GPI: variants seen among roughly 807,000 people sequenced by gnomAD.
GPI encodes D-hexose-6-phosphate anomerase.
Under a neutral mutation model 75.8 loss-of-function variants are expected in GPI, and 56 were observed. That is an observed-to-expected ratio of 0.74 (90% confidence interval 0.60 to 0.92). The LOEUF (loss-of-function observed/expected upper bound fraction) is 0.92. Among genes scored for constraint, GPI ranks in the 40% least tolerant of loss-of-function variants. GPI has a pLI of 0.00. For synonymous variants in GPI, 288 were observed against 285.4 expected, an observed-to-expected ratio of 1.01 and a Z score of -0.09; for missense variants, 638 against 741.0, an observed-to-expected ratio of 0.86 and a Z score of 1.61.
intron 7 of GPI, 60 bp downstream of exon 7, chr19:34,379,065 G>A: frequency 7.1e-7 from 1 of 1,410,954 alleles, no homozygotes; most frequent in Non-Finnish European, 1.0e-6. Flanking sequence ...AGCAGGGTGG[G>A]CCCCTGAGTG....
chr19:34,377,326 A>T lies in GPI; in HGVS notation c.403-177A>T, dbSNP rs1568333150. The stretch of plus-strand genomic sequence containing the variant: ...CAAAAAAAAAAAAAAAAAAAAAAAA[A>T]AAAAAAAAAAATATATATATATATA... On this transcript the variant is annotated intron_variant, in intron 4 of 17. Transcript: ENST00000356487. Among the ~76,000 whole-genome samples, 26 of 88,478 alleles carry T rather than the reference A, an allele frequency of 2.9e-4. 1 individual carries two copies. The highest frequency in any genetic ancestry group is 1.4e-3 in the South Asian group (3 of 2,106). The allele number at this position is 88,478 out of a possible 152,430, so 58.0% of individuals were successfully genotyped here.
chr19:34,384,141 T>C (rs1283800693), intron 9 of GPI, among the ~76,000 whole-genome samples: 1 of 152,000 alleles, frequency 6.6e-6, no homozygotes, highest in African/African-American at 2.4e-5. Flanking sequence ...TGAAAATCTG[T>C]GATTGGGTCC....
Position 34,399,274 on chromosome 19 carries a change from G to T in GPI, c.1337G>T (p.Arg446Leu). ...AGGGGAAAATCGACGGAGGAGGCCC[G>T]AAAGGAGCTCCAGGCTGCGGGCAAG... The part of the protein sequence containing the change: ...LMRGKSTEEA[R>L]KELQAAGKSP... Residue 446 changes from arginine to leucine, a missense_variant, in exon 15 of 18, where the codon CGA (arginine) becomes CTA (leucine). By Grantham distance (102) the Arg-to-Leu change is moderately radical. Coordinates refer to ENST00000356487, the MANE Select transcript of GPI (RefSeq NM_000175.5). The T allele has an allele frequency of 6.2e-7, 1 of 1,614,034 alleles. No homozygotes were observed. Among genetic ancestry groups the T allele is most frequent in the South Asian group, 1.1e-5 (1 of 91,066 alleles).
intron 9 of GPI, among the ~76,000 whole-genome samples, chr19:34,385,423 G>A (rs1231822536): frequency 6.6e-6 from 1 of 152,070 alleles, no homozygotes; most frequent in Non-Finnish European, 1.5e-5. Context: ...TGAGGTTGAG[G>A]AGCTGTGGCC....
At position 34,399,942 on chromosome 19, in the gene GPI, A is replaced by G. The variant is rs1453560379; in HGVS notation, c.1583A>G (p.Glu528Gly). Residue 528 changes from glutamate (E) to glycine (G), a missense_variant, in exon 18 of 18, where the codon GAG becomes GGG. Transcript: ENST00000356487. ...CAGCTGGCTAAGAAAATAGAGCCTG[A>G]GCTTGATGGCAGTGCTCAAGTGACC... ...GKQLAKKIEP[E>G]LDGSAQVTSH... 1 of 1,613,840 alleles carries G rather than the reference A, an allele frequency of 6.2e-7. No individual in the cohort carries two copies. The highest frequency in any genetic ancestry group is 8.5e-7 in the Non-Finnish European group (1 of 1,179,918).
At chr19:34,381,225 C>CT in intron 8 of GPI, 1 of 589,226 alleles carries the variant, frequency 1.7e-6, no homozygotes, top group Middle Eastern at 4.6e-4. Context: ...CAGCAGGGGG[C>CT]TTTGCAGGCA....
chr19:34,368,460 C>T (rs965826452), intron 3 of GPI, 123 bp from the exon 4 acceptor site: 8 of 1,031,394 alleles, frequency 7.8e-6, no homozygotes, highest in East Asian at 2.5e-5. Flanking sequence ...ATGGTGCTAA[C>T]AGAGACCTCA....
chr19:34,378,109 C>T (rs1379999492), intron 6 of GPI, among the ~76,000 whole-genome samples: 2 of 152,232 alleles, frequency 1.3e-5, no homozygotes, highest in Non-Finnish European at 2.9e-5. Flanking sequence ...TGTGTCCTGA[C>T]CACACCCGCT....
intron 6 of GPI, among the ~76,000 whole-genome samples, chr19:34,378,465 C>A (rs1208914171): frequency 2.0e-5 from 3 of 152,134 alleles, no homozygotes; most frequent in South Asian, 2.1e-4. Context: ...TGCACCCCCC[C>A]TTGGCCTCCC....
chr19:34,393,930 C>T lies in GPI; in HGVS notation c.926C>T (p.Thr309Met), dbSNP rs138381340. The change falls in exon 12 of 18, where the codon ACG (threonine) becomes ATG (methionine). Residue 309 changes from threonine to methionine, a missense_variant. Coordinates refer to ENST00000356487, the MANE Select transcript of GPI (RefSeq NM_000175.5). This position sits in a 1 kb window ranked among gnomAD's most constrained non-coding sequence, Gnocchi z 4.4. ...GAHWMDQHFR[T>M]TPLEKNAPVL... ...CTGTTTCAGGACCAGCACTTCCGCA[C>T]GACGCCCCTGGAGAAGAACGCCCCC... 130 of 1,613,682 alleles carry T rather than the reference C, an allele frequency of 8.1e-5. No individual in the cohort carries two copies. In the African/African-American group the frequency reaches 1.1e-3, roughly 14 times the overall value.
At chr19:34,378,580 T>G (rs1161034572) in intron 6 of GPI, among the ~76,000 whole-genome samples, 1 of 152,104 alleles carries the variant, frequency 6.6e-6, no homozygotes, top group Non-Finnish European at 1.5e-5. Context: ...TTGTTTTTAT[T>G]TATGTTCTAT....
rs187845608 is a variant in GPI at position 34,380,099 on chromosome 19, C to A, written c.750+537C>A. 1.1e-4 allele frequency among the ~76,000 whole-genome samples: 15 copies of A among 139,510 alleles called. No homozygotes were observed. In the East Asian group the frequency reaches 3.3e-3, roughly 31 times the overall value. 91.5% of individuals were successfully genotyped at this position (139,510 alleles called of 152,430 possible). ...GCAACCTCTGCCTTCCAGGTTCAAG[C>A]GATTCTCCTGCCTTAGCCTCCCGAG... On this transcript the variant is annotated intron_variant, in intron 8 of 17. Transcript: ENST00000356487.
chr19:34,362,748 T>G (rs1217056284), upstream of GPI, among the ~76,000 whole-genome samples: 1 of 152,170 alleles, frequency 6.6e-6, no homozygotes, highest in East Asian at 1.9e-4. Context: ...TTCGTTATTT[T>G]CCTCAAGACC....
chr19:34,387,630 G>A (rs1358767358), intron 9 of GPI, among the ~76,000 whole-genome samples: 1 of 152,142 alleles, frequency 6.6e-6, no homozygotes, highest in Non-Finnish European at 1.5e-5. Context: ...GTGGATCCAG[G>A]CTCAGTGCTG....
intron 3 of GPI, among the ~76,000 whole-genome samples, chr19:34,367,552 G>A (rs540351636): frequency 2.0e-5 from 3 of 152,300 alleles, no homozygotes; most frequent in African/African-American, 7.2e-5. Flanking sequence ...CTGGCAGGGT[G>A]AGGGTGGGGT....
chr19:34,391,930 G>C (rs199849763), intron 9 of GPI, among the ~76,000 whole-genome samples: 6 of 430 alleles, frequency 0.014, no homozygotes, highest in Non-Finnish European at 0.02. Context: ...ATCTGGGTCT[G>C]TCATGTCTGG....
At chr19:34,363,287 G>A (rs2074311432), upstream of GPI, 1 of 151,602 alleles carries the variant, frequency 6.6e-6, no homozygotes, top group African/African-American at 2.4e-5. Context: ...ACCTGGGTGT[G>A]ACAGAGTGAG....
At chr19:34,392,004 T>C (rs79621711) in intron 9 of GPI, among the ~76,000 whole-genome samples, 17 of 4,434 alleles carry the variant, frequency 3.8e-3, no homozygotes, top group African/African-American at 9.0e-3. Flanking sequence ...TAGGATCTGG[T>C]GCAGGTATAA....
intron 8 of GPI, 116 bp downstream of exon 8, chr19:34,379,678 A>G (rs911537607): frequency 2.2e-6 from 2 of 903,232 alleles, no homozygotes; most frequent in African/African-American, 1.6e-5. Flanking sequence ...GGCTGATGGT[A>G]TGGAAGGTTT....
Sources: allele counts gnomAD v4.1 joint callset (sites outside exome capture counted in the v4.1 genomes callset), GRCh38; gene constraint gnomAD v4.1.1; non-coding constraint Gnocchi (gnomAD v3.1); transcripts MANE v1.5; gene names NCBI Gene and HGNC (gene_info 2026-07-23, HGNC 2026-07-21).